The following FKBP14 variants were observed in gnomAD, a reference collection of about 807,000 sequenced individuals.
FKBP14 encodes peptidyl-prolyl cis-trans isomerase FKBP14.
In FKBP14, 20 loss-of-function variants were observed where a neutral mutation model predicts 21.6. The ratio of observed to expected loss-of-function variants is 0.92; its 90% CI spans 0.65 to 1.34. The LOEUF is 1.34. Ranked by LOEUF, FKBP14 falls within the 40% of genes most tolerant of loss-of-function variation. FKBP14 has a pLI of 0.00. For synonymous variants in FKBP14, 79 were observed against 86.7 expected, an observed-to-expected ratio of 0.91 and a Z score of 0.49; for missense variants, 253 against 249.0, an observed-to-expected ratio of 1.02 and a Z score of -0.11.
At chr7:30,026,080 T>C (rs1171081967) in intron 1 of FKBP14, among the ~76,000 whole-genome samples, 1 of 152,098 alleles carries the variant, frequency 6.6e-6, no homozygotes, top group Non-Finnish European at 1.5e-5. Flanking sequence ...ATTTGTATAA[T>C]AAAAAAAATT....
At position 30,021,560 on chromosome 7, in the gene FKBP14, CT is replaced by C. The variant is rs375759314; in HGVS notation, c.349+1104del. Among the ~76,000 whole-genome samples, 593 of 144,254 alleles carry C rather than the reference CT, an allele frequency of 4.1e-3. 4 individuals carry two copies. Among genetic ancestry groups the C allele is most frequent in the South Asian group, 0.01 (46 of 4,594 alleles). 94.6% of individuals were successfully genotyped at this position (144,254 alleles called of 152,430 possible). On this transcript the variant is annotated intron_variant, in intron 2 of 3. Coordinates refer to ENST00000222803, the MANE Select transcript of FKBP14 (RefSeq NM_017946.4). ...AATGCATATAGACATCTTCAGACCT[CT>C]TTTTTTTTTTTTGAGATGGAGTTTG...
In FKBP14 at chr7:30,011,009, GGTTA is replaced by G. The variant is rs944899357; in HGVS notation, c.*3722_*3725del. ...AACTAGAAAATTTACAGTAAGCTAA[GGTTA>G]GTTTTTTATTATTTCTATAAAAATT... On this transcript the variant is annotated 3_prime_UTR_variant, in exon 4 of 4. Coordinates refer to ENST00000222803, the MANE Select transcript of FKBP14 (RefSeq NM_017946.4). 52 of 152,044 alleles carry G rather than the reference GGTTA, an allele frequency of 3.4e-4. 1 individual carries two copies. Among genetic ancestry groups the G allele is most frequent in the East Asian group, 1.9e-4 (1 of 5,180 alleles). The allele number at this position is 152,044 out of a possible 1,614,324, so 9.4% of individuals were successfully genotyped here. A position where few individuals can be genotyped will look rare whatever the true frequency, so the allele number is the denominator to read the frequency against.
intron 2 of FKBP14, among the ~76,000 whole-genome samples, chr7:30,021,401 A>G (rs1790027604): frequency 1.3e-5 from 2 of 152,182 alleles, no homozygotes; most frequent in Non-Finnish European, 1.5e-5. Context: ...TTATTTAGCT[A>G]AATTCTTACC....
At chr7:30,026,221 AACCAGGTACAGGCC>A (rs1790166782) in intron 1 of FKBP14, 77 bp downstream of exon 1, 1 of 1,281,360 alleles carries the variant, frequency 7.8e-7, no homozygotes, top group Non-Finnish European at 1.1e-6. Context: ...AAAGAGGCAA[AACCAGGTACAGGCC>A]ACCTTTCCTG....
At chr7:30,008,832 C>T (rs1268328081), downstream of FKBP14, among the ~76,000 whole-genome samples, 3 of 151,762 alleles carry the variant, frequency 2.0e-5, no homozygotes, top group African/African-American at 7.3e-5. Context: ...AAAAATTAGC[C>T]GGGCGTGGTG....
At position 30,026,648 on chromosome 7, in the gene FKBP14, A is replaced by T. The variant is rs990259838; in HGVS notation, c.-140T>A. ...TCCCCCTTCTTAGAAGACGTGGCAC[A>T]TTTACCACCAACTCTTTTCTCAAGG... On this transcript the variant is annotated 5_prime_UTR_variant, in exon 1 of 4. The change abolishes an upstream ATG in the 5' untranslated region. Coordinates refer to ENST00000222803, the MANE Select transcript of FKBP14 (RefSeq NM_017946.4). 3 of 679,876 alleles carry T rather than the reference A, an allele frequency of 4.4e-6. No homozygotes were observed. The highest frequency in any genetic ancestry group is 7.2e-6 in the Non-Finnish European group (3 of 418,318). The allele number at this position is 679,876 out of a possible 1,614,324, so 42.1% of individuals were successfully genotyped here.
At chr7:30,014,972 C>T (rs1789842090) in intron 3 of FKBP14, 79 bp from the exon 4 acceptor site, 17 of 898,468 alleles carry the variant, frequency 1.9e-5, no homozygotes, top group Non-Finnish European at 2.8e-5. Flanking sequence ...CAGACATGGA[C>T]TGTTATTATA....
At chr7:30,019,158 G>A (rs767354645) in intron 2 of FKBP14, 35 bp from the exon 3 acceptor site, 1 of 1,547,736 alleles carries the variant, frequency 6.5e-7, no homozygotes, top group Non-Finnish European at 8.6e-7. Context: ...AGTTTTAAAA[G>A]AGCCAAAAGT....
At chr7:30,020,055 T>G (rs531612509) in intron 2 of FKBP14, among the ~76,000 whole-genome samples, 1 of 152,112 alleles carries the variant, frequency 6.6e-6, no homozygotes, top group South Asian at 2.1e-4. Flanking sequence ...TGGACAATTG[T>G]TTTTCTCAAA....
intron 1 of FKBP14, among the ~76,000 whole-genome samples, chr7:30,024,764 A>G (rs966161036): frequency 6.6e-6 from 1 of 152,232 alleles, no homozygotes; most frequent in African/African-American, 2.4e-5. Flanking sequence ...AGGCTGCATG[A>G]TAACAGTCCC....
downstream of FKBP14, among the ~76,000 whole-genome samples, chr7:30,006,657 G>A (rs948898389): frequency 1.2e-4 from 19 of 152,186 alleles, no homozygotes; most frequent in South Asian, 1.2e-3. Flanking sequence ...ATAATTCTTC[G>A]TTGTGTGGCA....
chr7:30,007,557 T>C (rs17325657), downstream of FKBP14, among the ~76,000 whole-genome samples: 1,159 of 152,328 alleles, frequency 7.6e-3, 21 homozygotes, highest in African/African-American at 0.026. Context: ...ACAACTTATC[T>C]TTTGGCCTAT....
chr7:30,024,633 C>A lies in FKBP14; in HGVS notation c.197+1679G>T, dbSNP rs750222445. 3.9e-5 allele frequency among the ~76,000 whole-genome samples: 6 copies of A among 152,088 alleles called. No homozygotes were observed. In the East Asian group the frequency reaches 9.6e-4, roughly 24 times the overall value. On this transcript the variant is annotated intron_variant, in intron 1 of 3. Coordinates refer to ENST00000222803, the MANE Select transcript of FKBP14 (RefSeq NM_017946.4). ...GGATGGTCTCAAACTCCTGACCTCG[C>A]GATCTGCCTGCCTCGGCCTCCCAAA...
At chr7:30,022,630 G>C in intron 2 of FKBP14, 35 bp downstream of exon 2, 1 of 1,592,846 alleles carries the variant, frequency 6.3e-7, no homozygotes, top group African/African-American at 1.4e-5. Context: ...AACAACTCTA[G>C]TGCTATAGTA....
rs1789831897 is a variant in FKBP14 at position 30,014,693 on chromosome 7, C to CA, written c.*41_*42insT. The CA allele has an allele frequency of 7.9e-7, 1 of 1,264,484 alleles. No homozygotes were observed. Among genetic ancestry groups the CA allele is most frequent in the African/African-American group, 1.5e-5 (1 of 65,450 alleles). 78.3% of individuals were successfully genotyped at this position (1,264,484 alleles called of 1,614,324 possible). On this transcript the variant is annotated 3_prime_UTR_variant, in exon 4 of 4. Transcript: ENST00000222803. ...AATGTTCTTTAAAGATGACTGCCCT[C>CA]TCTTGAAAGATGAGTGCTATATTAA...
chr7:30,018,846 A>T (rs934556954), intron 3 of FKBP14, 150 bp downstream of exon 3: 1 of 769,086 alleles, frequency 1.3e-6, no homozygotes, highest in Admixed American at 3.6e-5. Flanking sequence ...CAGTATTTTA[A>T]GAAAACTTAT....
rs923163503 is a variant in FKBP14 at position 30,012,398 on chromosome 7, C to T, written c.*2337G>A. ...ATAGATAGCATCAGTAATGTTTATA[C>T]AGAGTAGCACCATCGGACAAACTAC... On this transcript the variant is annotated 3_prime_UTR_variant, in exon 4 of 4. Transcript: ENST00000222803. 9.9e-5 allele frequency: 15 copies of T among 152,214 alleles called. No homozygotes were observed. The highest frequency in any genetic ancestry group is 3.6e-4 in the African/African-American group (15 of 41,456). 9.4% of individuals were successfully genotyped at this position (152,214 alleles called of 1,614,324 possible).
At position 30,014,104 on chromosome 7, in the gene FKBP14, C is replaced by G. The variant is rs1430532929; in HGVS notation, c.*631G>C. 1 of 152,066 alleles carries G rather than the reference C, an allele frequency of 6.6e-6. No homozygotes were observed. The highest frequency in any genetic ancestry group is 6.6e-5 in the Admixed American group (1 of 15,250). The allele number at this position is 152,066 out of a possible 1,614,324, so 9.4% of individuals were successfully genotyped here. A position where few individuals can be genotyped will look rare whatever the true frequency, so the allele number is the denominator to read the frequency against. On this transcript the variant is annotated 3_prime_UTR_variant, in exon 4 of 4. Coordinates refer to ENST00000222803, the MANE Select transcript of FKBP14 (RefSeq NM_017946.4). The stretch of plus-strand genomic sequence containing the variant: ...TCTCGAACTCCCAACCTCAGGTGAT[C>G]CGCCCGCCTCAGCCTCCCAAAGTGC...
chr7:30,019,238 A>T (rs1056380371), intron 2 of FKBP14, 115 bp from the exon 3 acceptor site: 1 of 946,194 alleles, frequency 1.1e-6, no homozygotes, highest in Non-Finnish European at 1.5e-6. Flanking sequence ...CCTTCCTAAG[A>T]TTGTCATATA....
Sources: gnomAD v4.1 joint callset for allele counts (sites outside exome capture counted in the v4.1 genomes callset) on GRCh38, gnomAD v4.1.1 for gene constraint, MANE v1.5 for transcripts, NCBI Gene and HGNC (gene_info 2026-07-23, HGNC 2026-07-21) for gene names.